GPRC5D: variants seen among roughly 807,000 people sequenced by gnomAD.
GPRC5D encodes the protein G protein-coupled receptor class C group 5 member D.
Under a neutral mutation model 29.3 loss-of-function variants are expected in GPRC5D, and 20 were observed. That is an observed-to-expected ratio of 0.68 (90% CI 0.48 to 0.99). The LOEUF is 0.99. GPRC5D is among the 50% of genes least tolerant of loss of function. GPRC5D has a pLI of 0.00. For missense variants in GPRC5D, 384 were observed against 423.6 expected (o/e 0.91, Z 0.82); for synonymous variants, 178 against 171.3 (o/e 1.04, Z -0.30).
At chr12:12,944,570 T>C (rs1261823950) in intron 1 of GPRC5D, 1 of 152,100 alleles carries the variant, frequency 6.6e-6, no homozygotes, top group Non-Finnish European at 1.5e-5. Flanking sequence ...GAAGGGCTTA[T>C]GTTTGCAGGA....
At chr12:12,949,389 A>G (rs1863428542) in intron 1 of GPRC5D, 101 bp downstream of exon 2, 1 of 1,029,520 alleles carries the variant, frequency 9.7e-7, no homozygotes, top group Middle Eastern at 2.9e-4. Flanking sequence ...AAATCTGACC[A>G]TTTTCTTTTA....
intron 1 of GPRC5D, among the ~76,000 whole-genome samples, chr12:12,948,960 A>T (rs1181862923): frequency 1.3e-5 from 2 of 152,220 alleles, no homozygotes; most frequent in African/African-American, 4.8e-5. Flanking sequence ...TGAAAAGTTG[A>T]AATCCAGAAG....
intron 1 of GPRC5D, among the ~76,000 whole-genome samples, chr12:12,942,722 G>A (rs908043805): frequency 6.6e-5 from 10 of 151,956 alleles, no homozygotes; most frequent in African/African-American, 1.2e-4. Flanking sequence ...GTGACACAGC[G>A]AGACTAAATA....
Position 12,946,296 on chromosome 12 carries a change from CTTCCTTCCTTCCT to C in GPRC5D, c.895+3181_895+3193del, listed in dbSNP as rs1347331576. Among the ~76,000 whole-genome samples, 35 of 66,280 alleles carry C rather than the reference CTTCCTTCCTTCCT, an allele frequency of 5.3e-4. No homozygotes were observed. In the East Asian group the frequency reaches 9.3e-3, roughly 18 times the overall value. The allele number at this position is 66,280 out of a possible 152,430, so 43.5% of individuals were successfully genotyped here. A position where few individuals can be genotyped will look rare whatever the true frequency, so the allele number is the denominator to read the frequency against. On this transcript the variant is annotated intron_variant, in intron 1 of 2. Coordinates refer to ENST00000228887, the Ensembl canonical transcript of GPRC5D. ...CCTTCCTTCCTTCCTTCCTTTCTTC[CTTCCTTCCTTCCT>C]TTTCTTTCTTTCTTTCTTTCTTTCT...
At chr12:12,949,313 A>T (rs145143884) in intron 1 of GPRC5D, among the ~76,000 whole-genome samples, 177 bp downstream of exon 2, 207 of 152,270 alleles carry the variant, frequency 1.4e-3, no homozygotes, top group African/African-American at 4.7e-3. Flanking sequence ...CTCATTTTTC[A>T]TAAAAATTTA....
intron 1 of GPRC5D, chr12:12,947,254 A>C (rs1203485064): frequency 2.6e-5 from 4 of 152,172 alleles, no homozygotes; most frequent in Admixed American, 2.0e-4. Flanking sequence ...TTGTTTCCCT[A>C]CTATCAGCTC....
chr12:12,941,543 C>T (rs189858875), intron 2 of GPRC5D, among the ~76,000 whole-genome samples: 1 of 152,220 alleles, frequency 6.6e-6, no homozygotes, highest in Non-Finnish European at 1.5e-5. Context: ...AGTTAGTGGC[C>T]TAGTAAATTC....
chr12:12,948,902 T>G (rs757294082), intron 1 of GPRC5D, among the ~76,000 whole-genome samples: 3 of 152,224 alleles, frequency 2.0e-5, no homozygotes, highest in Admixed American at 6.5e-5. Context: ...TAATGGCTCT[T>G]CCTCTCGCTT....
chr12:12,946,282 TCCTTC>T (rs1592374169), intron 1 of GPRC5D, among the ~76,000 whole-genome samples: 1 of 105,668 alleles, frequency 9.5e-6, no homozygotes, highest in South Asian at 3.4e-4. Context: ...CTTCCTTCCT[TCCTTC>T]CTTTCTTCCT....
intron 1 of GPRC5D, among the ~76,000 whole-genome samples, chr12:12,943,912 G>A (rs76616831): frequency 0.041 from 6,307 of 152,266 alleles, 167 homozygotes; most frequent in Non-Finnish European, 0.066. Flanking sequence ...TAGGAAGTCC[G>A]AGTTGAGTAA....
rs978875015 is a variant in GPRC5D at position 12,947,524 on chromosome 12, T to TCTTCCTTC, written c.895+1958_895+1965dup. On this transcript the variant is annotated intron_variant, in intron 1 of 2. Coordinates refer to ENST00000228887, the Ensembl canonical transcript of GPRC5D. ...AATTCCTTCCCTTCCTTCCTTCCTT[T>TCTTCCTTC]CTTCCTTCCTTCCTTCCTCCCTCCC... 1.8e-4 allele frequency among the ~76,000 whole-genome samples: 28 copies of TCTTCCTTC among 151,884 alleles called. 1 individual carries two copies. The highest frequency in any genetic ancestry group is 6.3e-4 in the African/African-American group (26 of 41,402).
upstream of GPRC5D, among the ~76,000 whole-genome samples, chr12:12,950,822 AGGCAGGGTAC>A (rs1863478359): frequency 6.6e-6 from 1 of 151,040 alleles, no homozygotes; most frequent in Non-Finnish European, 1.5e-5. Context: ...GCAAAAAACA[AGGCAGGGTAC>A]AGTGGCTCAT....
chr12:12,943,740 G>C (rs1328414086), intron 1 of GPRC5D, among the ~76,000 whole-genome samples: 1 of 152,128 alleles, frequency 6.6e-6, no homozygotes, highest in Non-Finnish European at 1.5e-5. Flanking sequence ...GTCATAACAA[G>C]GCTCCTTCAC....
upstream of GPRC5D, chr12:12,952,095 A>T (rs566571112): frequency 1.3e-5 from 2 of 152,186 alleles, no homozygotes; most frequent in African/African-American, 2.4e-5. Flanking sequence ...TGGCCCCCCA[A>T]TTCCAACTTA....
At chr12:12,944,836 TCCTTCCTTCC>T (rs1565477279) in intron 1 of GPRC5D, among the ~76,000 whole-genome samples, 21 of 35,622 alleles carry the variant, frequency 5.9e-4, no homozygotes, top group African/African-American at 8.3e-4. Context: ...CTTCCTTCCT[TCCTTCCTTCC>T]TTCCTTCTTT....
chr12:12,945,170 A>G (rs1369949035), intron 1 of GPRC5D, among the ~76,000 whole-genome samples: 1 of 151,214 alleles, frequency 6.6e-6, no homozygotes, highest in Non-Finnish European at 1.5e-5. Flanking sequence ...CGCCCAGCAA[A>G]TTTTTTGTAT....
upstream of GPRC5D, among the ~76,000 whole-genome samples, chr12:12,951,468 T>A (rs1285454958): frequency 6.6e-6 from 1 of 152,168 alleles, no homozygotes; most frequent in Non-Finnish European, 1.5e-5. Flanking sequence ...TTATATAGGA[T>A]GTCAGTAAAG....
At chr12:12,942,467 GCT>G in intron 1 of GPRC5D, 139 bp from the exon 3 acceptor site, 2 of 627,204 alleles carry the variant, frequency 3.2e-6, no homozygotes, top group Non-Finnish European at 5.7e-6. Context: ...GGGCACGGTG[GCT>G]CACGCCTGTA....
exon 3 of GPRC5D, chr12:12,940,788 G>A: frequency 2.5e-6 from 4 of 1,597,202 alleles, no homozygotes; most frequent in Non-Finnish European, 3.4e-6. Flanking sequence ...TACTCCTCCT[G>A]CATCTTGCTG....
Sources: allele counts gnomAD v4.1 joint callset (sites outside exome capture counted in the v4.1 genomes callset), GRCh38; gene constraint gnomAD v4.1.1; transcripts MANE v1.5; gene names NCBI Gene and HGNC (gene_info 2026-07-23, HGNC 2026-07-21).